ZNF521: variants seen among roughly 807,000 people sequenced by gnomAD.
The protein encoded by ZNF521 is zinc finger protein 521.
In ZNF521, 14 loss-of-function variants were observed where a neutral mutation model predicts 105.5. That is an observed-to-expected ratio of 0.13 (90% CI 0.09 to 0.21). ZNF521 has a LOEUF of 0.21. ZNF521 is among the 10% of genes least tolerant of loss of function. The probability of loss-of-function intolerance (pLI) is 1.00; values close to 1 mark genes in which losing one functional copy is unlikely to be tolerated. For synonymous variants in ZNF521, 635 were observed against 606.0 expected (o/e 1.05, Z -0.70); for missense variants, 1,233 against 1,629.7 (o/e 0.76, Z 4.19).
intron 7 of ZNF521, 109 bp downstream of exon 7, chr18:25,089,356 T>A: frequency 2.5e-6 from 2 of 802,932 alleles, no homozygotes; most frequent in Non-Finnish European, 4.0e-6. Context: ...ACACAAAGCA[T>A]CATGGTGGCC....
intron 4 of ZNF521, chr18:25,202,140 G>A (rs907238240): frequency 4.6e-5 from 7 of 151,980 alleles, no homozygotes; most frequent in Non-Finnish European, 8.8e-5. Flanking sequence ...CTTTCAACTC[G>A]AATCCACTAA....
At chr18:25,287,784 C>T (rs1910789900) in intron 3 of ZNF521, among the ~76,000 whole-genome samples, 1 of 152,154 alleles carries the variant, frequency 6.6e-6, no homozygotes, top group African/African-American at 2.4e-5. Flanking sequence ...AGTCATCCTC[C>T]TCAGAAAGAG....
Position 25,219,413 on chromosome 18 carries a change from A to C in ZNF521, c.3573+4932T>G, listed in dbSNP as rs566348316. Among the ~76,000 whole-genome samples the C allele has an allele frequency of 2.4e-4, 37 of 152,344 alleles. 3 individuals are homozygous for C. The highest frequency in any genetic ancestry group is 7.9e-4 in the African/African-American group (33 of 41,586). On this transcript the variant is annotated intron_variant, in intron 4 of 7. Coordinates refer to ENST00000361524, the MANE Select transcript of ZNF521 (RefSeq NM_015461.3). ...AAGAAAAAATGCAGGTTTAGAGAAA[A>C]GGTGCTGAGTTCTATTTGGGACCCA...
At chr18:25,253,225 A>G (rs1399135281) in intron 3 of ZNF521, among the ~76,000 whole-genome samples, 1 of 152,164 alleles carries the variant, frequency 6.6e-6, no homozygotes, top group African/African-American at 2.4e-5. Flanking sequence ...TGAATCCAAA[A>G]ATTCCAAGAA....
intron 5 of ZNF521, among the ~76,000 whole-genome samples, chr18:25,187,688 A>G (rs1004979116): frequency 2.6e-5 from 4 of 152,164 alleles, no homozygotes; most frequent in African/African-American, 9.7e-5. Context: ...ATCAGCCACA[A>G]TGTCCCAGGG....
In ZNF521 at chr18:25,224,744, G is replaced by A. The variant is rs771383975; in HGVS notation, c.3174C>T (p.Gly1058=). ...NGSAVQTTGR[G]QHVQKLYKCA... ...ACTTATACAGTTTTTGGACGTGCTGGCCCCGCCCTGTGGTCTGAACTGCAG... is the reference window on the plus strand; with the variant it reads ...ACTTATACAGTTTTTGGACGTGCTGACCCCGCCCTGTGGTCTGAACTGCAG... The change falls in exon 4 of 8, where the codon GGC becomes GGT. Residue 1058 remains glycine, a synonymous_variant. Transcript: ENST00000361524. The A allele has an allele frequency of 2.5e-6, 4 of 1,613,934 alleles. No individual in the cohort carries two copies. Among genetic ancestry groups the A allele is most frequent in the Non-Finnish European group, 3.4e-6 (4 of 1,180,000 alleles).
chr18:25,072,707 G>A (rs2033257643), intron 7 of ZNF521, among the ~76,000 whole-genome samples: 1 of 152,334 alleles, frequency 6.6e-6, no homozygotes, highest in African/African-American at 2.4e-5. Context: ...GCACCAGTGA[G>A]AGGGAGAGTG....
At chr18:25,146,068 T>C (rs2034937642) in intron 5 of ZNF521, among the ~76,000 whole-genome samples, 1 of 152,192 alleles carries the variant, frequency 6.6e-6, no homozygotes, top group African/African-American at 2.4e-5. Flanking sequence ...ACAACCTTAT[T>C]AGTTAGCTAT....
Position 25,290,001 on chromosome 18 carries a change from A to G in ZNF521, c.220+32007T>C, listed in dbSNP as rs571092243. Among the ~76,000 whole-genome samples, 23 of 152,352 alleles carry G rather than the reference A, an allele frequency of 1.5e-4. No homozygotes were observed. In the South Asian group the frequency reaches 4.8e-3, roughly 32 times the overall value. Reference sequence around the variant, plus strand: ...GTTTTCATATTTTCGGCATAAATACAGTGCAAAAAAAAGACAAAAAGCAAT... The same window carrying G: ...GTTTTCATATTTTCGGCATAAATACGGTGCAAAAAAAAGACAAAAAGCAAT... On this transcript the variant is annotated intron_variant, in intron 3 of 7. Coordinates refer to ENST00000361524, the MANE Select transcript of ZNF521 (RefSeq NM_015461.3).
chr18:25,064,619 G>C (rs1450803051), intron 7 of ZNF521, among the ~76,000 whole-genome samples: 1 of 152,162 alleles, frequency 6.6e-6, no homozygotes, highest in Non-Finnish European at 1.5e-5. Context: ...TAAGCAGAGG[G>C]ATTCATCTTA....
At chr18:25,327,136 A>G (rs1294270468) in intron 2 of ZNF521, among the ~76,000 whole-genome samples, 2 of 152,234 alleles carry the variant, frequency 1.3e-5, no homozygotes, top group African/African-American at 4.8e-5. Flanking sequence ...CTAGTGAACT[A>G]GTAAAAATAG....
intron 2 of ZNF521, chr18:25,327,398 G>A (rs1424033538): frequency 7.0e-6 from 8 of 1,144,858 alleles, no homozygotes; most frequent in Non-Finnish European, 7.6e-6. Context: ...GTTCATATGT[G>A]TACTCACAAC....
At chr18:25,234,269 A>G (rs578155911) in intron 3 of ZNF521, among the ~76,000 whole-genome samples, 3 of 152,310 alleles carry the variant, frequency 2.0e-5, no homozygotes, top group South Asian at 4.1e-4. Context: ...ACCGTTTAAC[A>G]TGTTGATCTT....
intron 3 of ZNF521, among the ~76,000 whole-genome samples, chr18:25,238,586 C>A (rs548100795): frequency 6.6e-6 from 1 of 152,322 alleles, no homozygotes; most frequent in African/African-American, 2.4e-5. Flanking sequence ...GCCAGCTTTA[C>A]TTTCCTCTCA....
intron 4 of ZNF521, among the ~76,000 whole-genome samples, chr18:25,218,482 T>TA (rs35500329): frequency 0.11 from 8,670 of 79,764 alleles, 593 homozygotes; most frequent in African/African-American, 0.21. Context: ...TCGAGCCTAC[T>TA]AAAAAAAAAA....
At chr18:25,223,932 C>A (rs547399885) in intron 4 of ZNF521, 5 of 232,832 alleles carry the variant, frequency 2.1e-5, no homozygotes, top group Non-Finnish European at 4.2e-5. Flanking sequence ...TATATATATT[C>A]TTTTTAATTT....
At chr18:25,333,505 A>T (rs1913707578) in intron 2 of ZNF521, among the ~76,000 whole-genome samples, 1 of 151,952 alleles carries the variant, frequency 6.6e-6, no homozygotes, top group African/African-American at 2.4e-5. Context: ...GAAACCTTAC[A>T]TTTAGCCAAC....
chr18:25,265,257 G>A lies in ZNF521; in HGVS notation c.221-37560C>T, dbSNP rs145497497. Among the ~76,000 whole-genome samples, 498 of 152,228 alleles carry A rather than the reference G, an allele frequency of 3.3e-3. 1 individual carries two copies. Among genetic ancestry groups the A allele is most frequent in the South Asian group, 0.025 (119 of 4,822 alleles). Reference sequence around the variant, plus strand: ...TACTTGCTCAGGTGTTGACTGTTGGGAACAACAAATGTGAGACAAAAAGCA... The same window carrying A: ...TACTTGCTCAGGTGTTGACTGTTGGAAACAACAAATGTGAGACAAAAAGCA... On this transcript the variant is annotated intron_variant, in intron 3 of 7. Coordinates refer to ENST00000361524, the MANE Select transcript of ZNF521 (RefSeq NM_015461.3).
intron 5 of ZNF521, among the ~76,000 whole-genome samples, chr18:25,177,107 A>G (rs1171132668): frequency 6.6e-6 from 1 of 151,934 alleles, no homozygotes; most frequent in Non-Finnish European, 1.5e-5. Context: ...TTTTACTGCT[A>G]GTTTTATTAG....
Sources: gnomAD v4.1 joint callset for allele counts (sites outside exome capture counted in the v4.1 genomes callset) on GRCh38, gnomAD v4.1.1 for gene constraint, MANE v1.5 for transcripts, NCBI Gene and HGNC (gene_info 2026-07-23, HGNC 2026-07-21) for gene names.